Variants in MCTP1 observed in about 807,000 individuals in gnomAD.
MCTP1 encodes multiple C2 and transmembrane domain containing 1.
Under a neutral mutation model 120.6 loss-of-function variants are expected in MCTP1, and 69 were observed. The observed-to-expected ratio is 0.57, with a 90% confidence interval of 0.47 to 0.70. The LOEUF (loss-of-function observed/expected upper bound fraction) is 0.70, where lower values mean the gene tolerates loss of function less well. Among genes scored for constraint, MCTP1 ranks in the 30% least tolerant of loss-of-function variants. The pLI is 0.00. For missense variants in MCTP1, 1,203 were observed against 1,248.8 expected, an observed-to-expected ratio of 0.96 and a Z score of 0.55; for synonymous variants, 529 against 493.1, an observed-to-expected ratio of 1.07 and a Z score of -0.96.
intron 17 of MCTP1, among the ~76,000 whole-genome samples, chr5:94,854,359 T>C (rs181705391): frequency 3.9e-5 from 6 of 151,930 alleles, no homozygotes; most frequent in African/African-American, 1.4e-4. Context: ...ACTTAGAGTC[T>C]GACAAGAAGT....
At chr5:94,765,072 C>T (rs1253802126) in intron 19 of MCTP1, among the ~76,000 whole-genome samples, 2 of 151,850 alleles carry the variant, frequency 1.3e-5, no homozygotes, top group Non-Finnish European at 1.5e-5. Flanking sequence ...TGAAATAAAA[C>T]TAGAAATCAA....
At position 94,704,713 on chromosome 5, in the gene MCTP1, A is replaced by G. The variant is rs767550359; in HGVS notation, c.*2783T>C. The stretch of plus-strand genomic sequence containing the variant: ...AACAGGGTCATACAGTTGGTATTCG[A>G]TAAATATATCACAGAGTCCTTTTAA... On this transcript the variant is annotated 3_prime_UTR_variant, in exon 23 of 23. Coordinates refer to ENST00000515393, the MANE Select transcript of MCTP1 (RefSeq NM_024717.7). 1.3e-4 allele frequency: 20 copies of G among 151,198 alleles called. No individual in the cohort carries two copies. The highest frequency in any genetic ancestry group is 3.0e-4 in the Non-Finnish European group (20 of 67,506). The allele number at this position is 151,198 out of a possible 1,614,324, so 9.4% of individuals were successfully genotyped here. A position where few individuals can be genotyped will look rare whatever the true frequency, so the allele number is the denominator to read the frequency against.
At chr5:94,707,607 C>CA (rs1754992343) in intron 22 of MCTP1, 40 bp from the exon 23 acceptor site, 2 of 1,468,104 alleles carry the variant, frequency 1.4e-6, no homozygotes, top group Non-Finnish European at 1.9e-6. Flanking sequence ...GTCAGGTGGC[C>CA]ACTTTCTGGC....
intron 1 of MCTP1, among the ~76,000 whole-genome samples, chr5:95,241,081 T>C (rs1005976500): frequency 6.6e-6 from 1 of 152,200 alleles, no homozygotes; most frequent in Non-Finnish European, 1.5e-5. Context: ...TTTATTTTTA[T>C]GAAACCTTAT....
chr5:94,843,653 T>G (rs1239912943), intron 17 of MCTP1, among the ~76,000 whole-genome samples: 1 of 152,178 alleles, frequency 6.6e-6, no homozygotes, highest in Non-Finnish European at 1.5e-5. Context: ...TTGTGTCTCT[T>G]TATAAGAATT....
At chr5:94,729,173 A>G (rs1289921920) in intron 19 of MCTP1, among the ~76,000 whole-genome samples, 2 of 152,222 alleles carry the variant, frequency 1.3e-5, no homozygotes, top group East Asian at 3.8e-4. Flanking sequence ...AAGTATTTCA[A>G]ACAAAGGGAA....
At chr5:94,925,406 T>C (rs760769340) in intron 6 of MCTP1, among the ~76,000 whole-genome samples, 5 of 152,076 alleles carry the variant, frequency 3.3e-5, no homozygotes, top group African/African-American at 9.7e-5. Context: ...AAAGTGACTG[T>C]TTTTTTCTGG....
At position 94,958,241 on chromosome 5, in the gene MCTP1, C is replaced by T. The variant is rs369678310; in HGVS notation, c.839-4880G>A. On this transcript the variant is annotated intron_variant, in intron 2 of 22. Transcript: ENST00000515393. ...CCAATGAGAACAAAGACACAACATA[C>T]CAGAACCTTTGGGACACAGCTAAAG... is the stretch of plus-strand genomic sequence containing the variant. 4.7e-4 allele frequency among the ~76,000 whole-genome samples: 72 copies of T among 152,246 alleles called. No individual in the cohort carries two copies. In the East Asian group the frequency reaches 0.012, roughly 25 times the overall value.
chr5:94,911,685 T>C (rs565000931), intron 9 of MCTP1, among the ~76,000 whole-genome samples: 55 of 152,324 alleles, frequency 3.6e-4, no homozygotes, highest in African/African-American at 1.3e-3. Context: ...GGTAGTTCTT[T>C]ATAGAAGTGT....
intron 17 of MCTP1, among the ~76,000 whole-genome samples, chr5:94,859,906 A>C (rs1273762345): frequency 1.3e-5 from 2 of 151,748 alleles, no homozygotes; most frequent in Non-Finnish European, 3.0e-5. Flanking sequence ...CTGACATTTT[A>C]TGACAACACT....
At chr5:94,733,726 G>T (rs1310062964) in intron 19 of MCTP1, among the ~76,000 whole-genome samples, 1 of 152,142 alleles carries the variant, frequency 6.6e-6, no homozygotes, top group Non-Finnish European at 1.5e-5. Context: ...AACACTTTGG[G>T]AGGACAAGGC....
At chr5:94,708,658 G>T (rs748319263) in intron 21 of MCTP1, 49 bp from the exon 22 acceptor site, 1 of 1,221,194 alleles carries the variant, frequency 8.2e-7, no homozygotes, top group Non-Finnish European at 1.2e-6. Context: ...CAAAAGTGTT[G>T]TAGTAATTTG....
intron 17 of MCTP1, among the ~76,000 whole-genome samples, chr5:94,804,396 C>T (rs993007397): frequency 2.6e-5 from 4 of 152,170 alleles, no homozygotes; most frequent in Non-Finnish European, 5.9e-5. Flanking sequence ...TGTGAAGATG[C>T]TTCATCACAA....
chr5:95,190,123 A>C (rs1380313066), intron 1 of MCTP1, among the ~76,000 whole-genome samples: 1 of 152,106 alleles, frequency 6.6e-6, no homozygotes, highest in Non-Finnish European at 1.5e-5. Context: ...AAGCAAAATA[A>C]TGTGTTTCTA....
At chr5:94,950,287 T>C (rs1820157601) in intron 3 of MCTP1, among the ~76,000 whole-genome samples, 1 of 152,126 alleles carries the variant, frequency 6.6e-6, no homozygotes, top group South Asian at 2.1e-4. Flanking sequence ...AAGTAAAGTA[T>C]AAAAATATTT....
At chr5:94,746,692 A>G (rs1424655193) in intron 19 of MCTP1, among the ~76,000 whole-genome samples, 1 of 152,250 alleles carries the variant, frequency 6.6e-6, no homozygotes, top group Non-Finnish European at 1.5e-5. Context: ...CTTCTCATGC[A>G]TTCCATGTCA....
intron 2 of MCTP1, among the ~76,000 whole-genome samples, chr5:94,977,782 A>G (rs1369627522): frequency 6.6e-6 from 1 of 152,170 alleles, no homozygotes; most frequent in African/African-American, 2.4e-5. Flanking sequence ...CTGGACTCTT[A>G]TCTTACCCCA....
chr5:95,173,058 T>C (rs1000250905), intron 1 of MCTP1, among the ~76,000 whole-genome samples: 4 of 152,210 alleles, frequency 2.6e-5, no homozygotes, highest in African/African-American at 9.7e-5. Flanking sequence ...AAAACTATCA[T>C]GTATTTACTT....
At chr5:94,818,040 C>T (rs1014318104) in intron 17 of MCTP1, among the ~76,000 whole-genome samples, 2 of 152,160 alleles carry the variant, frequency 1.3e-5, no homozygotes, top group African/African-American at 2.4e-5. Context: ...TGAGACTCAA[C>T]TGTGGGTCTT....
Sources: allele counts gnomAD v4.1 joint callset (sites outside exome capture counted in the v4.1 genomes callset), GRCh38; gene constraint gnomAD v4.1.1; transcripts MANE v1.5; gene names NCBI Gene and HGNC (gene_info 2026-07-23, HGNC 2026-07-21).